CCDC150: variants seen among roughly 807,000 people sequenced by gnomAD.
CCDC150 encodes the protein coiled-coil domain-containing protein 150.
A neutral mutation model predicts 156.5 loss-of-function variants in CCDC150; 151 were observed. The ratio of observed to expected loss-of-function variants is 0.97; its 90% confidence interval spans 0.85 to 1.10. The LOEUF (loss-of-function observed/expected upper bound fraction) is 1.10, where lower values mean the gene tolerates loss of function less well. CCDC150 is among the 50% of genes least tolerant of loss of function. CCDC150 has a pLI of 0.00. For synonymous variants in CCDC150, 452 were observed against 429.4 expected, an observed-to-expected ratio of 1.05 and a Z score of -0.65; for missense variants, 1,312 against 1,268.1, an observed-to-expected ratio of 1.03 and a Z score of -0.53.
chr2:196,712,770 C>G lies in CCDC150; in HGVS notation c.1866+31C>G, dbSNP rs1337683314. On this transcript the variant is annotated intron_variant, in intron 17 of 27. Coordinates refer to ENST00000389175, the MANE Select transcript of CCDC150 (RefSeq NM_001080539.2). ...GGTAATGAAAGTGCTTACTTGTCAG[C>G]ATGGTGGCTCTTGAAGCTAAAAACC... 3 of 1,533,692 alleles carry G rather than the reference C, an allele frequency of 2.0e-6. No individual in the cohort carries two copies. In the African/African-American group the frequency reaches 4.1e-5, roughly 21 times the overall value.
intron 8 of CCDC150, 35 bp downstream of exon 8, chr2:196,669,911 T>C: frequency 6.6e-7 from 1 of 1,512,102 alleles, no homozygotes; most frequent in Non-Finnish European, 9.1e-7. Flanking sequence ...AGAGGTGGTC[T>C]TTCCTCTCTT....
At chr2:196,666,688 C>T in intron 6 of CCDC150, 31 bp from the exon 7 acceptor site, 2 of 1,553,024 alleles carry the variant, frequency 1.3e-6, no homozygotes, top group Non-Finnish European at 1.7e-6. Context: ...CTTTATCTCA[C>T]AGAAAAAGAG....
intron 13 of CCDC150, among the ~76,000 whole-genome samples, chr2:196,679,040 C>T (rs549434238): frequency 7.2e-5 from 11 of 152,316 alleles, no homozygotes; most frequent in African/African-American, 2.6e-4. Flanking sequence ...CTGAAAGATA[C>T]TTGTTCATTA....
intron 5 of CCDC150, among the ~76,000 whole-genome samples, chr2:196,663,954 G>A (rs1025045757): frequency 2.6e-5 from 4 of 151,920 alleles, no homozygotes; most frequent in African/African-American, 9.7e-5. Context: ...AATAATAAAA[G>A]AGACTCTTAT....
At chr2:196,695,877 C>T (rs1447840210) in intron 14 of CCDC150, among the ~76,000 whole-genome samples, 1 of 151,910 alleles carries the variant, frequency 6.6e-6, no homozygotes, top group East Asian at 1.9e-4. Context: ...TGTTAAGTAG[C>T]TAATAATTTT....
At chr2:196,719,382 C>G (rs935802174) in intron 18 of CCDC150, 115 bp from the exon 19 acceptor site, 14 of 722,572 alleles carry the variant, frequency 1.9e-5, no homozygotes, top group Non-Finnish European at 2.4e-5. Flanking sequence ...CCACTAGCAT[C>G]CTACTGTGTC....
At chr2:196,708,702 G>A (rs534975030) in intron 15 of CCDC150, among the ~76,000 whole-genome samples, 11 of 152,148 alleles carry the variant, frequency 7.2e-5, no homozygotes, top group Non-Finnish European at 1.5e-4. Context: ...GGCAGACCTG[G>A]TGGTGACAAA....
intron 15 of CCDC150, among the ~76,000 whole-genome samples, chr2:196,706,871 G>C (rs1057050932): frequency 6.6e-6 from 1 of 152,160 alleles, no homozygotes; most frequent in Non-Finnish European, 1.5e-5. Flanking sequence ...TGACTTGATT[G>C]TGGTGGATAA....
Position 196,718,530 on chromosome 2 carries a change from G to A in CCDC150, c.1894G>A (p.Glu632Lys), listed in dbSNP as rs201563499. 4 of 1,611,976 alleles carry A rather than the reference G, an allele frequency of 2.5e-6. No homozygotes were observed. Among genetic ancestry groups the A allele is most frequent in the Non-Finnish European group, 3.4e-6 (4 of 1,178,864 alleles). Residue 632 changes from glutamate to lysine, a missense_variant, in exon 18 of 28, where the codon GAG becomes AAG. Physicochemically the swap from Glu to Lys is moderately conservative, Grantham distance 56. Transcript: ENST00000389175. ...GAAATCTATTCTTGAAAGAAGTAAA[G>A]AGGAGCTGTCCCGAACAGTGAAGTG... ...EVKSILERSKEELSRTVKCRN... is the reference protein window; with the variant it reads ...EVKSILERSKKELSRTVKCRN...
intron 16 of CCDC150, 167 bp downstream of exon 16, chr2:196,712,419 G>T: frequency 3.6e-6 from 2 of 558,062 alleles, no homozygotes; most frequent in South Asian, 2.9e-5. Context: ...ACAAGGTTCT[G>T]CTAAAGCCTC....
At chr2:196,709,101 C>A (rs546109245) in intron 15 of CCDC150, among the ~76,000 whole-genome samples, 12 of 152,294 alleles carry the variant, frequency 7.9e-5, no homozygotes, top group Admixed American at 3.3e-4. Context: ...AGAGTGTTTT[C>A]CATCTTGGTT....
intron 2 of CCDC150, among the ~76,000 whole-genome samples, chr2:196,651,740 T>G (rs555208195): frequency 6.6e-6 from 1 of 152,326 alleles, no homozygotes; most frequent in South Asian, 2.1e-4. Context: ...TGATAATGTG[T>G]CTGTGTTAGT....
intron 5 of CCDC150, among the ~76,000 whole-genome samples, chr2:196,662,141 C>T (rs1049290625): frequency 1.3e-5 from 2 of 151,994 alleles, no homozygotes; most frequent in Non-Finnish European, 1.5e-5. Context: ...TAATCTGATA[C>T]TAAAATCTGA....
chr2:196,702,558 A>G (rs1696298032), intron 15 of CCDC150, among the ~76,000 whole-genome samples: 1 of 151,754 alleles, frequency 6.6e-6, no homozygotes, highest in Non-Finnish European at 1.5e-5. Flanking sequence ...TTCCATGGAG[A>G]TAGGGTTTCT....
intron 14 of CCDC150, among the ~76,000 whole-genome samples, chr2:196,699,478 G>A (rs1696053269): frequency 6.6e-6 from 1 of 151,088 alleles, no homozygotes; most frequent in Non-Finnish European, 1.5e-5. Flanking sequence ...AATTCTTCTA[G>A]CCAAGGCAAC....
At chr2:196,642,993 T>C (rs1692327133) in intron 1 of CCDC150, among the ~76,000 whole-genome samples, 2 of 152,206 alleles carry the variant, frequency 1.3e-5, no homozygotes, top group Admixed American at 6.5e-5. Flanking sequence ...TCCTCCCACA[T>C]AGGCCTTTCA....
At chr2:196,696,382 C>T (rs1171297150) in intron 14 of CCDC150, among the ~76,000 whole-genome samples, 1 of 152,168 alleles carries the variant, frequency 6.6e-6, no homozygotes, top group African/African-American at 2.4e-5. Flanking sequence ...CCCTCTCTCT[C>T]TGCAGAATTA....
chr2:196,665,038 A>C (rs1693761010), intron 5 of CCDC150, among the ~76,000 whole-genome samples: 1 of 152,242 alleles, frequency 6.6e-6, no homozygotes, highest in African/African-American at 2.4e-5. Context: ...CAGGATAAAA[A>C]ATATGTAGAT....
At chr2:196,721,728 A>C in intron 21 of CCDC150, 37 bp downstream of exon 21, 8 of 1,508,336 alleles carry the variant, frequency 5.3e-6, no homozygotes, top group Non-Finnish European at 7.2e-6. Context: ...TTAGGGAAGC[A>C]CCTCTGGAGG....
Sources: allele counts gnomAD v4.1 joint callset (sites outside exome capture counted in the v4.1 genomes callset), GRCh38; gene constraint gnomAD v4.1.1; transcripts MANE v1.5; gene names NCBI Gene and HGNC (gene_info 2026-07-23, HGNC 2026-07-21).